The following COL24A1 variants were observed in gnomAD, a reference collection of about 807,000 sequenced individuals.
COL24A1 encodes collagen alpha-1(XXIV) chain.
COL24A1 carries 224 observed loss-of-function variants against 253.9 expected under a neutral mutation model. The observed-to-expected ratio is 0.88, with a 90% confidence interval of 0.79 to 0.99. The LOEUF (loss-of-function observed/expected upper bound fraction) is 0.99. Ranked by LOEUF, COL24A1 falls within the 50% of genes least tolerant of loss-of-function variation. The pLI is 0.00. For missense variants in COL24A1, 2,131 were observed against 2,068.5 expected, an observed-to-expected ratio of 1.03 and a Z score of -0.59; for synonymous variants, 685 against 673.7, an observed-to-expected ratio of 1.02 and a Z score of -0.26.
intron 7 of COL24A1, among the ~76,000 whole-genome samples, chr1:86,079,628 G>A (rs72716150): frequency 0.13 from 19,060 of 152,056 alleles, 1,377 homozygotes; most frequent in Middle Eastern, 0.24. Flanking sequence ...AAAAATGGGC[G>A]AAAGATTTGA....
At position 86,125,883 on chromosome 1, in the gene COL24A1, A is replaced by C. The variant is rs776346207; in HGVS notation, c.453T>G (p.Pro151=). 6.2e-6 allele frequency: 10 copies of C among 1,613,308 alleles called. No homozygotes were observed. Among genetic ancestry groups the C allele is most frequent in the Non-Finnish European group, 8.5e-6 (10 of 1,179,712 alleles). ...CATGAACACTGTAGTTGAAAACTGC[A>C]GGCTGCTTTCCTCTAATGTGTACTA... The part of the protein sequence containing the change: ...KLVVHIRGKQ[P]AVFNYSVHDE... The change falls in exon 3 of 60, where the codon CCT becomes CCG. Residue 151 remains proline, a synonymous_variant. Coordinates refer to ENST00000370571, the MANE Select transcript of COL24A1 (RefSeq NM_152890.7).
At chr1:85,872,401 A>C (rs1214850950) in intron 35 of COL24A1, among the ~76,000 whole-genome samples, 3 of 152,212 alleles carry the variant, frequency 2.0e-5, no homozygotes, top group African/African-American at 7.2e-5. Flanking sequence ...ATCCTAAGCC[A>C]AAAGAACAAA....
chr1:85,865,638 T>C (rs1054311119), intron 37 of COL24A1, among the ~76,000 whole-genome samples: 2 of 152,212 alleles, frequency 1.3e-5, no homozygotes, highest in Non-Finnish European at 2.9e-5. Flanking sequence ...GTTTAGACTT[T>C]CCCTTTTCTT....
chr1:85,807,488 G>T (rs1356372014), intron 47 of COL24A1, among the ~76,000 whole-genome samples: 2 of 152,186 alleles, frequency 1.3e-5, no homozygotes, highest in East Asian at 3.8e-4. Context: ...TGATGGAGTG[G>T]AATCAGACTG....
At chr1:86,094,611 C>A (rs1246302285) in intron 5 of COL24A1, among the ~76,000 whole-genome samples, 1 of 151,890 alleles carries the variant, frequency 6.6e-6, no homozygotes. Context: ...TGCACATGTA[C>A]CCCTGAACTT....
At chr1:86,026,390 A>G (rs916938368) in intron 14 of COL24A1, among the ~76,000 whole-genome samples, 4 of 152,204 alleles carry the variant, frequency 2.6e-5, no homozygotes, top group African/African-American at 9.6e-5. Context: ...CAAAGGCAGG[A>G]CCAGGTGGAC....
intron 35 of COL24A1, among the ~76,000 whole-genome samples, chr1:85,872,565 C>A (rs1185755457): frequency 6.6e-6 from 1 of 152,058 alleles, no homozygotes; most frequent in Non-Finnish European, 1.5e-5. Context: ...TTTGACAAAC[C>A]TGACAAAAAC....
Position 85,730,537 on chromosome 1 carries a change from T to A in COL24A1, c.*9A>T. 6.2e-7 allele frequency: 1 copy of A among 1,613,088 alleles called. No homozygotes were observed. Among genetic ancestry groups the A allele is most frequent in the Non-Finnish European group, 8.5e-7 (1 of 1,179,310 alleles). On this transcript the variant is annotated 3_prime_UTR_variant, in exon 60 of 60. Coordinates refer to ENST00000370571, the MANE Select transcript of COL24A1 (RefSeq NM_152890.7). Reference sequence around the variant, plus strand: ...CCAACAGCCTGAATTCGGAACTAATTCAGAGACTTTACAGAAAGCATACAG... The same window carrying A: ...CCAACAGCCTGAATTCGGAACTAATACAGAGACTTTACAGAAAGCATACAG...
At chr1:85,946,143 G>A (rs1017454861) in intron 24 of COL24A1, among the ~76,000 whole-genome samples, 4 of 152,158 alleles carry the variant, frequency 2.6e-5, no homozygotes, top group Non-Finnish European at 4.4e-5. Flanking sequence ...CCAGAGGGTA[G>A]CTATGTGATC....
At chr1:85,959,208 C>T (rs1690776225) in intron 24 of COL24A1, among the ~76,000 whole-genome samples, 1 of 152,008 alleles carries the variant, frequency 6.6e-6, no homozygotes, top group South Asian at 2.1e-4. Context: ...AAATGAAAGC[C>T]AGAATTACTG....
chr1:86,057,358 T>C (rs1262406081), intron 10 of COL24A1, among the ~76,000 whole-genome samples: 1 of 152,220 alleles, frequency 6.6e-6, no homozygotes, highest in Non-Finnish European at 1.5e-5. Flanking sequence ...ACTTCTGCTC[T>C]TTATAAATTA....
rs540913074 is a variant in COL24A1, at chr1:85,820,851, A to G, written c.3789+2685T>C. On this transcript the variant is annotated intron_variant, in intron 45 of 59. Transcript: ENST00000370571. ...TTGGGACTGTGCTGGTTCACAGACT[A>G]CTAGAGAAAGCAGTCTGATTCTTTT... is the stretch of plus-strand genomic sequence containing the variant. Among the ~76,000 whole-genome samples, 34 of 152,304 alleles carry G rather than the reference A, an allele frequency of 2.2e-4. No individual in the cohort carries two copies. In the South Asian group the frequency reaches 5.6e-3, roughly 25 times the overall value.
intron 47 of COL24A1, among the ~76,000 whole-genome samples, chr1:85,802,366 T>A (rs1474697088): frequency 6.6e-6 from 1 of 152,156 alleles, no homozygotes; most frequent in African/African-American, 2.4e-5. Context: ...CTGGTCTTTT[T>A]TTGATTCTTT....
intron 47 of COL24A1, among the ~76,000 whole-genome samples, chr1:85,799,917 T>G (rs912005540): frequency 1.3e-5 from 2 of 152,158 alleles, no homozygotes; most frequent in African/African-American, 4.8e-5. Flanking sequence ...CCATTCAACT[T>G]CATGGCCCTA....
chr1:85,735,535 C>T (rs1188129143), intron 58 of COL24A1, among the ~76,000 whole-genome samples: 1 of 151,968 alleles, frequency 6.6e-6, no homozygotes, highest in Non-Finnish European at 1.5e-5. Flanking sequence ...CGGACTAGGA[C>T]AGAATCCTAT....
chr1:85,942,471 T>G (rs888284725), intron 24 of COL24A1, among the ~76,000 whole-genome samples: 1 of 152,226 alleles, frequency 6.6e-6, no homozygotes, highest in South Asian at 2.1e-4. Flanking sequence ...CAAGTTAGTA[T>G]TATTGGTTAT....
chr1:85,776,431 C>T (rs151223342), intron 52 of COL24A1, among the ~76,000 whole-genome samples: 1 of 152,022 alleles, frequency 6.6e-6, no homozygotes, highest in African/African-American at 2.4e-5. Context: ...GGACCTACTG[C>T]TTTTAAAATG....
chr1:85,975,974 C>T (rs1358725203), intron 20 of COL24A1, among the ~76,000 whole-genome samples: 1 of 152,264 alleles, frequency 6.6e-6, no homozygotes, highest in Non-Finnish European at 1.5e-5. Flanking sequence ...TTCTCCAGCT[C>T]AAGCCAAGGG....
rs1427803096 is a variant in COL24A1 at position 86,055,037 on chromosome 1, A to C, written c.1851+2894T>G. Among the ~76,000 whole-genome samples, 4 of 152,314 alleles carry C rather than the reference A, an allele frequency of 2.6e-5. No homozygotes were observed. The East Asian group carries it at 7.7e-4, about 29-fold the overall frequency. ...GCCATTATCCTAAGCAAATTAACAC[A>C]GAAACAGACAACAAAATACTGCATG... On this transcript the variant is annotated intron_variant, in intron 10 of 59. Coordinates refer to ENST00000370571, the MANE Select transcript of COL24A1 (RefSeq NM_152890.7).
Sources: allele counts gnomAD v4.1 joint callset (sites outside exome capture counted in the v4.1 genomes callset), GRCh38; gene constraint gnomAD v4.1.1; transcripts MANE v1.5; gene names NCBI Gene and HGNC (gene_info 2026-07-23, HGNC 2026-07-21).